Variants in PLS3 observed in about 807,000 individuals in gnomAD.
The protein encoded by PLS3 is plastin-3.
PLS3 carries 11 observed loss-of-function variants against 46.5 expected under a neutral mutation model. The ratio of observed to expected loss-of-function variants is 0.24; its 90% CI spans 0.15 to 0.39. The LOEUF is 0.39. Among genes scored for constraint, PLS3 ranks in the 10% least tolerant of loss-of-function variants. The probability of loss-of-function intolerance (pLI) is 1.00; values close to 1 mark genes in which losing one functional copy is unlikely to be tolerated. For synonymous variants in PLS3, 167 were observed against 162.2 expected, an observed-to-expected ratio of 1.03 and a Z score of -0.22; for missense variants, 308 against 461.8, an observed-to-expected ratio of 0.67 and a Z score of 3.05.
At chrX:115,573,091 C>T (rs2074226290) in intron 1 of PLS3, among the ~76,000 whole-genome samples, 1 of 66,728 alleles carries the variant, frequency 1.5e-5, no homozygotes, top group African/African-American at 7.3e-5. Flanking sequence ...GAGACTCCGT[C>T]TCAAAAAAAA....
intron 7 of PLS3, among the ~76,000 whole-genome samples, chrX:115,635,260 G>A (rs1269313451): frequency 9.0e-6 from 1 of 111,088 alleles, no homozygotes; most frequent in African/African-American, 3.3e-5. Flanking sequence ...AATTCATTTT[G>A]CAATAATGAC....
At chrX:115,642,810 C>A (rs1290295076) in intron 9 of PLS3, among the ~76,000 whole-genome samples, 1 of 111,723 alleles carries the variant, frequency 9.0e-6, no homozygotes, top group Non-Finnish European at 1.9e-5. Context: ...ACAGTTAATA[C>A]CCTTTCACAT....
At chrX:115,593,630 C>A (rs899477516) in intron 1 of PLS3, 2 of 111,063 alleles carry the variant, frequency 1.8e-5, no homozygotes, top group African/African-American at 6.5e-5. Context: ...TTGCTCTCAG[C>A]GGGTAACTAT....
chrX:115,607,125 C>T (rs1334360427), intron 1 of PLS3, among the ~76,000 whole-genome samples: 1 of 110,528 alleles, frequency 9.0e-6, no homozygotes, highest in Non-Finnish European at 1.9e-5. Flanking sequence ...TGGTGTCCCA[C>T]GGCTATAGTC....
intron 2 of PLS3, among the ~76,000 whole-genome samples, chrX:115,619,656 T>C (rs1556637270): frequency 8.9e-6 from 1 of 112,732 alleles, no homozygotes; most frequent in Non-Finnish European, 1.9e-5. Context: ...TCAAAGGAAA[T>C]CTAAGTGATT....
chrX:115,594,664 TCTCTCA>T (rs1454505375), intron 1 of PLS3, among the ~76,000 whole-genome samples: 2 of 104,207 alleles, frequency 1.9e-5, no homozygotes, highest in African/African-American at 7.6e-5. Context: ...TCTCTCTCTC[TCTCTCA>T]CACACACACA....
intron 1 of PLS3, among the ~76,000 whole-genome samples, chrX:115,602,006 C>T (rs1454047086): frequency 8.9e-6 from 1 of 111,811 alleles, no homozygotes; most frequent in Non-Finnish European, 1.9e-5. Context: ...GTCACTAACA[C>T]AAGGCACAAT....
chrX:115,630,112 C>T (rs2074749615), intron 5 of PLS3, 145 bp downstream of exon 5: 1 of 421,807 alleles, frequency 2.4e-6, no homozygotes, highest in Admixed American at 4.7e-5. Context: ...TTCATTTAAT[C>T]TCTAGGTCTG....
At chrX:115,633,177 G>T (rs1055935341) in intron 5 of PLS3, among the ~76,000 whole-genome samples, 20 of 102,427 alleles carry the variant, frequency 2.0e-4, no homozygotes, top group Admixed American at 4.2e-4. Context: ...GTCTTTTTGG[G>T]TTTTTTTTTT....
rs1328574169 is a variant in PLS3 at position 115,625,758 on chromosome X, ATCTT to A, written c.237+3358_237+3361del. ...TTCTTTTTTTGCAATTCTTTCTGAA[ATCTT>A]TCTTTCTTAAGTCATATGCCTCTGG... On this transcript the variant is annotated intron_variant, in intron 3 of 15. Transcript: ENST00000355899. Among the ~76,000 whole-genome samples the A allele has an allele frequency of 2.2e-4, 25 of 111,823 alleles. No homozygotes were observed. The Admixed American group carries it at 2.4e-3, about 11-fold the overall frequency.
In PLS3 at chrX:115,622,326, A is replaced by G; in HGVS notation, c.154A>G (p.Lys52Glu). ...KEANMPLPGY[K>E]VREIIQKLML... ...AGCTAATATGCCATTACCAGGATAT[A>G]AAGTGAGAGAAATTATTCAGAAACT... Residue 52 changes from lysine (K) to glutamate (E), a missense_variant, in exon 3 of 16, where the codon AAA becomes GAA. Lys to Glu is a moderately conservative substitution (Grantham distance 56). Coordinates refer to ENST00000355899, the MANE Select transcript of PLS3 (RefSeq NM_005032.7). The G allele has an allele frequency of 8.4e-7, 1 of 1,183,465 alleles. No homozygotes were observed. Among genetic ancestry groups the G allele is most frequent in the Non-Finnish European group, 1.1e-6 (1 of 871,762 alleles).
chrX:115,582,733 AT>A (rs1291009156), intron 1 of PLS3, among the ~76,000 whole-genome samples: 2 of 112,552 alleles, frequency 1.8e-5, no homozygotes, highest in African/African-American at 6.5e-5. Context: ...AGATTTAAAC[AT>A]TTTTTTAAAA....
At chrX:115,625,881 G>A (rs2074705508) in intron 3 of PLS3, among the ~76,000 whole-genome samples, 1 of 111,889 alleles carries the variant, frequency 8.9e-6, no homozygotes, top group Non-Finnish European at 1.9e-5. Context: ...GAAAGAAGGC[G>A]AAACTTAATA....
chrX:115,604,087 C>T (rs782169373), intron 1 of PLS3, among the ~76,000 whole-genome samples: 6 of 111,927 alleles, frequency 5.4e-5, no homozygotes, highest in Non-Finnish European at 1.1e-4. Context: ...ACTGGCCTTA[C>T]GGAGGAACCA....
chrX:115,575,760 A>AT (rs202075560), intron 1 of PLS3, among the ~76,000 whole-genome samples: 13 of 110,795 alleles, frequency 1.2e-4, no homozygotes, highest in South Asian at 3.8e-4. Context: ...AAGTTTAGCT[A>AT]TTTTTTTTCT....
At chrX:115,624,122 G>C (rs1052222998) in intron 3 of PLS3, among the ~76,000 whole-genome samples, 10 of 108,029 alleles carry the variant, frequency 9.3e-5, no homozygotes, top group Non-Finnish European at 1.9e-4. Flanking sequence ...CCAGCTACTC[G>C]GGAGGCTGGG....
chrX:115,610,646 T>C (rs2074539910), intron 2 of PLS3, among the ~76,000 whole-genome samples: 1 of 110,367 alleles, frequency 9.1e-6, no homozygotes, highest in Non-Finnish European at 1.9e-5. Flanking sequence ...ATTATTATAT[T>C]TTGTATCTCA....
chrX:115,647,471 G>C (rs1556641906), intron 13 of PLS3, 79 bp from the exon 14 acceptor site: 2 of 908,580 alleles, frequency 2.2e-6, no homozygotes, highest in African/African-American at 4.0e-5. Flanking sequence ...ATAAAAAGTG[G>C]AAGATAAAGC....
intron 8 of PLS3, chrX:115,640,065 A>C (rs2147567306): frequency 9.7e-7 from 1 of 1,028,116 alleles, no homozygotes; most frequent in Non-Finnish European, 1.3e-6. Context: ...TGCTTCCTGG[A>C]TTTCTGCTCT....
Sources: allele counts gnomAD v4.1 joint callset (sites outside exome capture counted in the v4.1 genomes callset), GRCh38; gene constraint gnomAD v4.1.1; transcripts MANE v1.5; gene names NCBI Gene and HGNC (gene_info 2026-07-23, HGNC 2026-07-21).